RPS6KC1: variants seen among roughly 807,000 people sequenced by gnomAD.
RPS6KC1 encodes the protein ribosomal protein S6 kinase C1.
A neutral mutation model predicts 103.8 loss-of-function variants in RPS6KC1; 54 were observed. The ratio of observed to expected loss-of-function variants is 0.52; its 90% CI spans 0.42 to 0.65. RPS6KC1 has a LOEUF of 0.65. Ranked by LOEUF, RPS6KC1 falls within the 30% of genes least tolerant of loss-of-function variation. RPS6KC1 has a pLI of 0.00. For synonymous variants in RPS6KC1, 439 were observed against 438.7 expected, an observed-to-expected ratio of 1.00 and a Z score of -0.01; for missense variants, 1,151 against 1,253.8, an observed-to-expected ratio of 0.92 and a Z score of 1.24.
intron 1 of RPS6KC1, among the ~76,000 whole-genome samples, chr1:213,056,453 G>A (rs1359423555): frequency 1.3e-5 from 2 of 152,076 alleles, no homozygotes; most frequent in Non-Finnish European, 2.9e-5. Flanking sequence ...GTGCATATGG[G>A]GACACCTATG....
chr1:213,496,421 A>G, the RPS6KC1 span, among the ~76,000 whole-genome samples: 1 of 152,190 alleles, frequency 6.6e-6, no homozygotes, highest in Non-Finnish European at 1.5e-5. Context: ...AATGATCTTT[A>G]GTATTAAAAC....
At chr1:213,676,847 G>C in the RPS6KC1 span, among the ~76,000 whole-genome samples, 39 of 152,334 alleles carry the variant, frequency 2.6e-4, 2 homozygotes, top group East Asian at 4.8e-3. Context: ...CCCAACCTAA[G>C]TTGATTCTTC....
chr1:213,855,312 G>C, the RPS6KC1 span, among the ~76,000 whole-genome samples: 2 of 152,098 alleles, frequency 1.3e-5, no homozygotes, highest in African/African-American at 4.8e-5. Flanking sequence ...TTATCAAGTC[G>C]TATCATCCGT....
At chr1:213,803,098 A>G in the RPS6KC1 span, among the ~76,000 whole-genome samples, 1 of 152,148 alleles carries the variant, frequency 6.6e-6, no homozygotes, top group Non-Finnish European at 1.5e-5. Flanking sequence ...AGTCTTAGTA[A>G]TTGCCCAGCT....
intron 1 of RPS6KC1, among the ~76,000 whole-genome samples, chr1:213,053,922 G>A (rs1292945906): frequency 6.6e-6 from 1 of 150,804 alleles, no homozygotes; most frequent in African/African-American, 2.4e-5. Flanking sequence ...CAGTAACCTC[G>A]CCTCCTGGGT....
the RPS6KC1 span, among the ~76,000 whole-genome samples, chr1:213,326,767 A>G: frequency 6.6e-6 from 1 of 152,192 alleles, no homozygotes; most frequent in African/African-American, 2.4e-5. Flanking sequence ...GGTGAGAGAA[A>G]CTGATTGTGT....
At chr1:213,315,021 A>G in the RPS6KC1 span, among the ~76,000 whole-genome samples, 1 of 152,214 alleles carries the variant, frequency 6.6e-6, no homozygotes, top group Admixed American at 6.5e-5. Flanking sequence ...CCGTAATTCA[A>G]CCAGGAAAAT....
At chr1:213,404,189 A>T in the RPS6KC1 span, among the ~76,000 whole-genome samples, 1 of 152,052 alleles carries the variant, frequency 6.6e-6, no homozygotes, top group South Asian at 2.1e-4. Context: ...TTCCACCTTC[A>T]TGTCAGTCAG....
At chr1:213,312,251 A>G in the RPS6KC1 span, among the ~76,000 whole-genome samples, 1 of 151,654 alleles carries the variant, frequency 6.6e-6, no homozygotes, top group South Asian at 2.1e-4. Context: ...CTCCCAGTGC[A>G]GGGGGGGCAA....
At chr1:213,835,597 A>G in the RPS6KC1 span, among the ~76,000 whole-genome samples, 1 of 152,228 alleles carries the variant, frequency 6.6e-6, no homozygotes, top group Non-Finnish European at 1.5e-5. Flanking sequence ...CTTTCTGCAC[A>G]GAGGAATAGC....
At chr1:213,127,808 T>A (rs979332579) in intron 5 of RPS6KC1, among the ~76,000 whole-genome samples, 1 of 152,128 alleles carries the variant, frequency 6.6e-6, no homozygotes, top group Non-Finnish European at 1.5e-5. Context: ...TGACATATGA[T>A]TTTTTGGGAT....
the RPS6KC1 span, among the ~76,000 whole-genome samples, chr1:213,403,327 G>T: frequency 6.6e-6 from 1 of 151,950 alleles, no homozygotes; most frequent in Admixed American, 6.5e-5. Context: ...GTGAGATCTG[G>T]GTACTTTTCC....
chr1:213,334,813 A>C, the RPS6KC1 span, among the ~76,000 whole-genome samples: 1 of 152,138 alleles, frequency 6.6e-6, no homozygotes, highest in African/African-American at 2.4e-5. Context: ...AGACATCTAT[A>C]TTTATCTATC....
At chr1:213,852,265 G>C in the RPS6KC1 span, among the ~76,000 whole-genome samples, 1 of 152,110 alleles carries the variant, frequency 6.6e-6, no homozygotes, top group Non-Finnish European at 1.5e-5. Flanking sequence ...CTCTGCTCTA[G>C]ACCTTTCCCT....
At chr1:213,583,446 C>A in the RPS6KC1 span, among the ~76,000 whole-genome samples, 1 of 152,092 alleles carries the variant, frequency 6.6e-6, no homozygotes, top group African/African-American at 2.4e-5. Flanking sequence ...GACTGGGAAG[C>A]CCTGCTCTTT....
chr1:213,149,774 C>T (rs2147875219), intron 6 of RPS6KC1, among the ~76,000 whole-genome samples: 1 of 152,244 alleles, frequency 6.6e-6, no homozygotes, highest in African/African-American at 2.4e-5. Flanking sequence ...AGATTGGGGC[C>T]TATCTCTCTT....
the RPS6KC1 span, among the ~76,000 whole-genome samples, chr1:213,701,447 C>G: frequency 6.6e-6 from 1 of 151,908 alleles, no homozygotes; most frequent in African/African-American, 2.4e-5. Context: ...TTGTTAAATT[C>G]AGGTTGTTAG....
chr1:213,203,852 T>G (rs980672416), intron 8 of RPS6KC1, among the ~76,000 whole-genome samples: 3 of 152,244 alleles, frequency 2.0e-5, no homozygotes, highest in Admixed American at 6.5e-5. Flanking sequence ...ACATATAAAT[T>G]ATAAAGACTT....
intron 8 of RPS6KC1, among the ~76,000 whole-genome samples, chr1:213,195,846 G>GTA (rs1553373507): frequency 0.037 from 5,628 of 150,896 alleles, 324 homozygotes; most frequent in African/African-American, 0.13. Context: ...GTGTGTGTGT[G>GTA]TATATATATA....
Sources: allele counts gnomAD v4.1 joint callset (sites outside exome capture counted in the v4.1 genomes callset), GRCh38; gene constraint gnomAD v4.1.1; transcripts MANE v1.5; gene names NCBI Gene and HGNC (gene_info 2026-07-23, HGNC 2026-07-21).